The following FAM193A variants were observed in gnomAD, a reference collection of about 807,000 sequenced individuals.
The protein encoded by FAM193A is protein FAM193A.
In FAM193A, 22 loss-of-function variants were observed where a neutral mutation model predicts 126.5. The ratio of observed to expected loss-of-function variants is 0.17; its 90% CI spans 0.12 to 0.25. The LOEUF (loss-of-function observed/expected upper bound fraction) is 0.25. Among genes scored for constraint, FAM193A ranks in the 10% least tolerant of loss-of-function variants. The probability of loss-of-function intolerance (pLI) is 1.00; values close to 1 mark genes in which losing one functional copy is unlikely to be tolerated. For synonymous variants in FAM193A, 761 were observed against 646.8 expected, an observed-to-expected ratio of 1.18 and a Z score of -2.68; for missense variants, 1,675 against 1,672.8, an observed-to-expected ratio of 1.00 and a Z score of -0.02.
intron 20 of FAM193A, among the ~76,000 whole-genome samples, chr4:2,730,127 C>T (rs1721208246): frequency 6.6e-6 from 1 of 151,746 alleles, no homozygotes. Context: ...GGGCTGGTCT[C>T]AAACGCCTGG....
intron 1 of FAM193A, among the ~76,000 whole-genome samples, chr4:2,595,806 T>C (rs1302989011): frequency 6.6e-6 from 1 of 152,230 alleles, no homozygotes; most frequent in African/African-American, 2.4e-5. Flanking sequence ...GCTGACAGTT[T>C]CTAGCATGTG....
intron 19 of FAM193A, among the ~76,000 whole-genome samples, chr4:2,712,927 A>G (rs1271652762): frequency 1.3e-5 from 2 of 151,192 alleles, no homozygotes; most frequent in Non-Finnish European, 2.9e-5. Context: ...AGATGGTGAA[A>G]CCCCATCTCT....
chr4:2,724,314 C>T lies in FAM193A; in HGVS notation c.4455-7461C>T, dbSNP rs567693164. Among the ~76,000 whole-genome samples the T allele has an allele frequency of 5.3e-5, 8 of 152,116 alleles. No homozygotes were observed. In the South Asian group the frequency reaches 1.7e-3, roughly 32 times the overall value. ...TTTCCATCTGTTTTTCAACTTAAGACCACTTTTAAATAACCTCTAAACTAG... is the reference window on the plus strand; with the variant it reads ...TTTCCATCTGTTTTTCAACTTAAGATCACTTTTAAATAACCTCTAAACTAG... On this transcript the variant is annotated intron_variant, in intron 20 of 20. Transcript: ENST00000637812.
At chr4:2,582,842 G>A (rs114649143) in intron 1 of FAM193A, among the ~76,000 whole-genome samples, 1,949 of 152,182 alleles carry the variant, frequency 0.013, 21 homozygotes, top group Middle Eastern at 0.02. Context: ...GTATTTCACA[G>A]GAGGTTTCTT....
At chr4:2,572,284 G>A (rs1329743459) in intron 1 of FAM193A, among the ~76,000 whole-genome samples, 2 of 149,972 alleles carry the variant, frequency 1.3e-5, no homozygotes, top group Middle Eastern at 3.4e-3. Flanking sequence ...AGCCAAGATC[G>A]CGCCACTGGA....
chr4:2,648,786 G>A (rs1745383947), intron 7 of FAM193A, among the ~76,000 whole-genome samples: 1 of 152,224 alleles, frequency 6.6e-6, no homozygotes, highest in Admixed American at 6.5e-5. Context: ...GGAGTTGGGG[G>A]AAGCTAGGAC....
At chr4:2,649,352 G>A (rs1239205661) in intron 7 of FAM193A, among the ~76,000 whole-genome samples, 2 of 146,536 alleles carry the variant, frequency 1.4e-5, no homozygotes, top group Non-Finnish European at 3.0e-5. Flanking sequence ...TGCAGCCTGG[G>A]TGACAGAGTG....
chr4:2,559,204 A>G (rs1180539317), intron 1 of FAM193A, among the ~76,000 whole-genome samples: 1 of 152,210 alleles, frequency 6.6e-6, no homozygotes, highest in African/African-American at 2.4e-5. Flanking sequence ...TAAGATGGTC[A>G]AATCATAGAT....
chr4:2,608,537 G>C (rs1229783089), intron 2 of FAM193A, among the ~76,000 whole-genome samples: 1 of 152,148 alleles, frequency 6.6e-6, no homozygotes. Flanking sequence ...GCCAGGGGTA[G>C]TGGGAAGCAT....
rs796393508 is a variant in FAM193A, at chr4:2,694,877, T to C, written c.3093-69T>C. On this transcript the variant is annotated intron_variant, in intron 16 of 20. Coordinates refer to ENST00000637812, the MANE Select transcript of FAM193A (RefSeq NM_001366318.2). ...AAATGGGCAGGACAGTGGGTGGTCATGTGCAACAATGTGAGTCATTGCCTC... is the reference window on the plus strand; with the variant it reads ...AAATGGGCAGGACAGTGGGTGGTCACGTGCAACAATGTGAGTCATTGCCTC... 18 of 1,353,706 alleles carry C rather than the reference T, an allele frequency of 1.3e-5. No homozygotes were observed. The African/African-American group carries it at 1.9e-4, about 14-fold the overall frequency. 83.9% of individuals were successfully genotyped at this position (1,353,706 alleles called of 1,614,324 possible).
chr4:2,688,800 G>A (rs1341748245), intron 13 of FAM193A, among the ~76,000 whole-genome samples: 1 of 152,384 alleles, frequency 6.6e-6, no homozygotes, highest in African/African-American at 2.4e-5. Flanking sequence ...GCCAGGGCCT[G>A]TTGCCTGGAT....
intron 2 of FAM193A, among the ~76,000 whole-genome samples, chr4:2,598,848 G>T (rs1395893830): frequency 6.6e-6 from 1 of 152,198 alleles, no homozygotes; most frequent in African/African-American, 2.4e-5. Flanking sequence ...TCCTTGGCAA[G>T]GTCTCCGATG....
At chr4:2,669,620 A>G (rs182481048) in intron 12 of FAM193A, among the ~76,000 whole-genome samples, 249 of 151,694 alleles carry the variant, frequency 1.6e-3, no homozygotes, top group African/African-American at 5.9e-3. Context: ...CAATAAATAA[A>G]TAAATAATAA....
chr4:2,677,358 T>C (rs1714526645), intron 13 of FAM193A, among the ~76,000 whole-genome samples: 1 of 152,190 alleles, frequency 6.6e-6, no homozygotes, highest in South Asian at 2.1e-4. Flanking sequence ...GCAGTAAGTT[T>C]TGAAATCAGG....
chr4:2,703,709 ATCCCAACACT>A (rs1318842742), intron 19 of FAM193A, among the ~76,000 whole-genome samples: 2 of 150,000 alleles, frequency 1.3e-5, no homozygotes, highest in African/African-American at 4.9e-5. Context: ...CACGCCTGTA[ATCCCAACACT>A]TTGGGAAGCT....
intron 2 of FAM193A, among the ~76,000 whole-genome samples, chr4:2,598,655 CT>C (rs1328733976): frequency 6.6e-6 from 1 of 152,212 alleles, no homozygotes; most frequent in Non-Finnish European, 1.5e-5. Context: ...TTCTTGCTTT[CT>C]GTTTCTCTTG....
At chr4:2,695,325 T>G (rs577265543) in intron 17 of FAM193A, among the ~76,000 whole-genome samples, 196 bp downstream of exon 17, 1 of 152,332 alleles carries the variant, frequency 6.6e-6, no homozygotes, top group African/African-American at 2.4e-5. Context: ...CTTTGTGGTT[T>G]TTAAGGTAAC....
At chr4:2,648,343 C>T (rs543727985) in intron 7 of FAM193A, among the ~76,000 whole-genome samples, 3 of 152,188 alleles carry the variant, frequency 2.0e-5, no homozygotes, top group African/African-American at 7.2e-5. Context: ...ACGCACAGCA[C>T]GTCAGGGTGA....
chr4:2,668,812 C>T (rs931096983), intron 12 of FAM193A, among the ~76,000 whole-genome samples: 5 of 151,652 alleles, frequency 3.3e-5, no homozygotes, highest in African/African-American at 7.3e-5. Context: ...CTCTCTCTCT[C>T]TTTCTCTTTT....
Sources: gnomAD v4.1 joint callset for allele counts (sites outside exome capture counted in the v4.1 genomes callset) on GRCh38, gnomAD v4.1.1 for gene constraint, MANE v1.5 for transcripts, NCBI Gene and HGNC (gene_info 2026-07-23, HGNC 2026-07-21) for gene names.